WDR41: variants seen among roughly 807,000 people sequenced by gnomAD.
WDR41 encodes WD repeat domain 41.
In WDR41, 63 loss-of-function variants were observed where a neutral mutation model predicts 69.3. That is an observed-to-expected ratio of 0.91 (90% CI 0.74 to 1.12). The LOEUF (loss-of-function observed/expected upper bound fraction) is 1.12. Ranked by LOEUF, WDR41 falls within the 50% of genes most tolerant of loss-of-function variation. The probability of loss-of-function intolerance (pLI) is 0.00; values close to 1 mark genes in which losing one functional copy is unlikely to be tolerated. For synonymous variants in WDR41, 185 were observed against 192.1 expected (o/e 0.96, Z 0.31); for missense variants, 543 against 534.5 (o/e 1.02, Z -0.16).
At chr5:77,441,466 C>T (rs1236932495) in intron 8 of WDR41, among the ~76,000 whole-genome samples, 1 of 152,062 alleles carries the variant, frequency 6.6e-6, no homozygotes, top group Non-Finnish European at 1.5e-5. Context: ...AAAACAAAAA[C>T]AAGGACCGGG....
At chr5:77,497,831 C>T (rs566863920) in intron 1 of WDR41, among the ~76,000 whole-genome samples, 4 of 152,158 alleles carry the variant, frequency 2.6e-5, no homozygotes, top group Non-Finnish European at 5.9e-5. Context: ...AGCCAAAAGC[C>T]GGAGACATCC....
chr5:77,479,498 G>A (rs1232910599), intron 2 of WDR41, among the ~76,000 whole-genome samples: 3 of 152,042 alleles, frequency 2.0e-5, no homozygotes, highest in Non-Finnish European at 4.4e-5. Context: ...GAAAAGAACA[G>A]AGCCCTCAGA....
intron 8 of WDR41, 114 bp downstream of exon 8, chr5:77,449,646 C>A: frequency 1.4e-6 from 1 of 690,454 alleles, no homozygotes; most frequent in Non-Finnish European, 2.4e-6. Context: ...AATGACAATC[C>A]CATTATTTTA....
chr5:77,492,102 C>T (rs552640371), intron 1 of WDR41, 68 bp downstream of exon 1: 875 of 1,576,778 alleles, frequency 5.5e-4, no homozygotes, highest in Non-Finnish European at 7.0e-4. Context: ...CCCAGGAAGG[C>T]CGAACCGGAA....
chr5:77,565,324 G>A (rs985204804), intron 1 of WDR41, among the ~76,000 whole-genome samples: 6 of 152,144 alleles, frequency 3.9e-5, no homozygotes, highest in Admixed American at 6.5e-5. Flanking sequence ...TGCCAGGCAC[G>A]TTAAGCTGAA....
intron 1 of WDR41, among the ~76,000 whole-genome samples, chr5:77,577,302 C>T (rs1743852296): frequency 6.6e-6 from 1 of 151,540 alleles, no homozygotes; most frequent in Non-Finnish European, 1.5e-5. Flanking sequence ...ACCCCACTCC[C>T]CTGCCCCCTT....
intron 1 of WDR41, among the ~76,000 whole-genome samples, chr5:77,542,840 G>T (rs542089040): frequency 6.6e-6 from 1 of 152,326 alleles, no homozygotes; most frequent in East Asian, 1.9e-4. Context: ...CAGAATGACT[G>T]CAGGAATGAA....
Position 77,436,522 on chromosome 5 carries a change from G to C in WDR41, c.1094-128C>G, listed in dbSNP as rs922427931. The C allele has an allele frequency of 2.2e-5, 24 of 1,094,830 alleles. No individual in the cohort carries two copies. In the Admixed American group the frequency reaches 3.7e-4, roughly 17 times the overall value. The allele number at this position is 1,094,830 out of a possible 1,614,324, so 67.8% of individuals were successfully genotyped here. ...GTCAAGGGCTAAGTGGACAGTACCT[G>C]AGCACCGTGCTAGGGTTTTGTGAAT... On this transcript the variant is annotated intron_variant, in intron 11 of 12. Coordinates refer to ENST00000296679, the MANE Select transcript of WDR41 (RefSeq NM_018268.4).
chr5:77,616,737 A>C (rs973821293), intron 1 of WDR41, among the ~76,000 whole-genome samples: 8 of 152,100 alleles, frequency 5.3e-5, no homozygotes, highest in African/African-American at 1.9e-4. Flanking sequence ...ATACATTAAA[A>C]CCTTAGATAA....
intron 1 of WDR41, among the ~76,000 whole-genome samples, chr5:77,611,961 T>C (rs1356275339): frequency 6.6e-6 from 1 of 151,900 alleles, no homozygotes; most frequent in African/African-American, 2.4e-5. Flanking sequence ...AAAGGGGATA[T>C]CACCACTGAT....
At chr5:77,463,595 A>G (rs988848646) in intron 3 of WDR41, among the ~76,000 whole-genome samples, 2 of 152,180 alleles carry the variant, frequency 1.3e-5, no homozygotes, top group African/African-American at 4.8e-5. Flanking sequence ...AAGTCTCCAC[A>G]GTTATAAGGT....
intron 1 of WDR41, chr5:77,499,251 C>G (rs1406735708): frequency 6.6e-6 from 1 of 152,214 alleles, no homozygotes; most frequent in African/African-American, 2.4e-5. Flanking sequence ...TTTTCTTCAG[C>G]AGCTTCCCCA....
intron 11 of WDR41, 116 bp downstream of exon 11, chr5:77,437,220 G>A (rs1431278773): frequency 2.4e-6 from 2 of 830,906 alleles, no homozygotes; most frequent in Non-Finnish European, 4.0e-6. Flanking sequence ...AACATCTGAT[G>A]CCTATTTGGA....
chr5:77,562,138 T>A (rs1343897624), intron 1 of WDR41, among the ~76,000 whole-genome samples: 1 of 152,194 alleles, frequency 6.6e-6, no homozygotes, highest in Non-Finnish European at 1.5e-5. Context: ...CTTAGATCCC[T>A]GGCTGGCACT....
chr5:77,449,373 T>C (rs2151302549), intron 8 of WDR41, among the ~76,000 whole-genome samples: 1 of 152,320 alleles, frequency 6.6e-6, no homozygotes, highest in Non-Finnish European at 1.5e-5. Flanking sequence ...TGTAACTTGC[T>C]ATGTGATATT....
At chr5:77,558,927 GA>G (rs1743465344) in intron 1 of WDR41, among the ~76,000 whole-genome samples, 1 of 151,972 alleles carries the variant, frequency 6.6e-6, no homozygotes, top group African/African-American at 2.4e-5. Flanking sequence ...TACACTAAGG[GA>G]AAAAAACCTT....
At position 77,609,171 on chromosome 5, in the gene WDR41, C is replaced by T. The variant is rs556636213; in HGVS notation, c.42+11308G>A. 9.2e-5 allele frequency among the ~76,000 whole-genome samples: 14 copies of T among 152,316 alleles called. No individual in the cohort carries two copies. The South Asian group carries it at 2.9e-3, about 32-fold the overall frequency. On this transcript the variant is annotated intron_variant, in intron 1 of 5. Transcript: ENST00000509971. ...GCTGGGAAGCTCCAACTGGGTGGAG[C>T]CCACCACAGCACAAGGAGGCCTGCC...
chr5:77,582,461 A>C, intron 1 of WDR41: 1 of 1,603,368 alleles, frequency 6.2e-7, no homozygotes. Context: ...GTAGAGCTGA[A>C]GATCAAGCGC....
intron 1 of WDR41, among the ~76,000 whole-genome samples, chr5:77,522,576 G>A (rs1802386602): frequency 1.3e-5 from 2 of 151,838 alleles, no homozygotes; most frequent in South Asian, 4.2e-4. Context: ...GGAGGCAGAG[G>A]TTGCAGTGAG....
Sources: gnomAD v4.1 joint callset for allele counts (sites outside exome capture counted in the v4.1 genomes callset) on GRCh38, gnomAD v4.1.1 for gene constraint, MANE v1.5 for transcripts, NCBI Gene and HGNC (gene_info 2026-07-23, HGNC 2026-07-21) for gene names.